TUBGCP3: variants seen among roughly 807,000 people sequenced by gnomAD.
TUBGCP3 encodes tubulin gamma complex component 3.
A neutral mutation model predicts 123.1 loss-of-function variants in TUBGCP3; 50 were observed. The ratio of observed to expected loss-of-function variants is 0.41; its 90% confidence interval spans 0.32 to 0.51. The LOEUF is 0.51. Among genes scored for constraint, TUBGCP3 ranks in the 20% least tolerant of loss-of-function variants. The pLI is 0.36. For missense variants in TUBGCP3, 882 were observed against 1,127.0 expected, an observed-to-expected ratio of 0.78 and a Z score of 3.11; for synonymous variants, 405 against 413.9, an observed-to-expected ratio of 0.98 and a Z score of 0.26.
intron 11 of TUBGCP3, among the ~76,000 whole-genome samples, chr13:112,542,323 AAC>A (rs1401270128): frequency 6.6e-6 from 1 of 152,208 alleles, no homozygotes; most frequent in African/African-American, 2.4e-5. Context: ...CAGGTTTTTA[AAC>A]AGCTATCAAA....
rs1566565651 is a variant in TUBGCP3, at chr13:112,545,747, G to A, written c.1287C>T (p.Phe429=). The change falls in exon 11 of 22, where the codon TTC becomes TTT. Residue 429 remains phenylalanine (F), a synonymous_variant. Coordinates refer to ENST00000261965, the MANE Select transcript of TUBGCP3 (RefSeq NM_006322.6). The surrounding 1 kb of genome is among the most constrained non-coding windows in gnomAD (Gnocchi z 4.1). ...CCCCATCATATATCCAGCGGTACAG[G>A]AAGCTCAAAACAGGATGAGACACGA... ...LSLVSHPVLS[F]LYRWIYDGEL... The A allele has an allele frequency of 6.2e-7, 1 of 1,614,170 alleles. No individual in the cohort carries two copies. Among genetic ancestry groups the A allele is most frequent in the Non-Finnish European group, 8.5e-7 (1 of 1,180,046 alleles).
At chr13:112,576,508 C>T (rs1173933118) in intron 1 of TUBGCP3, among the ~76,000 whole-genome samples, 1 of 152,068 alleles carries the variant, frequency 6.6e-6, no homozygotes, top group Non-Finnish European at 1.5e-5. Flanking sequence ...CACACAAACA[C>T]ACACAAAAAA....
chr13:112,557,414 A>G (rs1880131925), intron 5 of TUBGCP3, among the ~76,000 whole-genome samples: 1 of 152,226 alleles, frequency 6.6e-6, no homozygotes, highest in Non-Finnish European at 1.5e-5. Flanking sequence ...TTATAATTCT[A>G]TTACACTCAC....
At chr13:112,581,244 G>A (rs1242128815) in intron 1 of TUBGCP3, among the ~76,000 whole-genome samples, 2 of 152,164 alleles carry the variant, frequency 1.3e-5, no homozygotes, top group African/African-American at 4.8e-5. Flanking sequence ...AGCGCACTGT[G>A]TCAGCAAGGA....
intron 20 of TUBGCP3, among the ~76,000 whole-genome samples, chr13:112,498,531 G>A (rs932056729): frequency 1.3e-5 from 2 of 152,182 alleles, no homozygotes; most frequent in Non-Finnish European, 2.9e-5. Flanking sequence ...AAAAAGTTTC[G>A]GGTTTAGGAG....
intron 7 of TUBGCP3, among the ~76,000 whole-genome samples, chr13:112,554,400 C>G (rs1020998469): frequency 6.6e-6 from 1 of 152,208 alleles, no homozygotes; most frequent in Non-Finnish European, 1.5e-5. Context: ...TTTCACACCA[C>G]CCTGCAGTTG....
chr13:112,575,689 T>C (rs909840420), intron 1 of TUBGCP3, among the ~76,000 whole-genome samples: 27 of 152,242 alleles, frequency 1.8e-4, no homozygotes, highest in African/African-American at 6.5e-4. Context: ...ACAGACTGAA[T>C]TGTGGGTCAC....
chr13:112,513,180 TC>T (rs1359632163), intron 17 of TUBGCP3, among the ~76,000 whole-genome samples: 1 of 152,248 alleles, frequency 6.6e-6, no homozygotes, highest in African/African-American at 2.4e-5. Context: ...CCTGTATTGG[TC>T]CATTTCATTT....
intron 1 of TUBGCP3, among the ~76,000 whole-genome samples, chr13:112,581,835 T>C (rs1429230716): frequency 6.6e-6 from 1 of 152,186 alleles, no homozygotes; most frequent in East Asian, 1.9e-4. Flanking sequence ...TTTTCAACTT[T>C]CTCATACCAA....
At chr13:112,497,835 T>A (rs1296789495) in intron 20 of TUBGCP3, among the ~76,000 whole-genome samples, 4 of 152,250 alleles carry the variant, frequency 2.6e-5, no homozygotes, top group African/African-American at 9.6e-5. Flanking sequence ...TATGGCATTA[T>A]AATTTTATGG....
At chr13:112,498,439 A>G (rs1202258375) in intron 20 of TUBGCP3, among the ~76,000 whole-genome samples, 1 of 152,256 alleles carries the variant, frequency 6.6e-6, no homozygotes, top group African/African-American at 2.4e-5. Context: ...TCTGCAGGAA[A>G]CAAAGTTTGT....
At position 112,545,186 on chromosome 13, in the gene TUBGCP3, C is replaced by T. The variant is rs1878885647; in HGVS notation, c.1335+513G>A. 1 of 154,604 alleles carries T rather than the reference C, an allele frequency of 6.5e-6. No individual in the cohort carries two copies. Among genetic ancestry groups the T allele is most frequent in the South Asian group, 2.0e-4 (1 of 4,998 alleles). The allele number at this position is 154,604 out of a possible 1,614,324, so 9.6% of individuals were successfully genotyped here. Reference sequence around the variant, plus strand: ...TGACAAAGGTTTTGAGTGTGGTGCCCCTCACCCTACCTTCCACCAAAAGCC... The same window carrying T: ...TGACAAAGGTTTTGAGTGTGGTGCCTCTCACCCTACCTTCCACCAAAAGCC... On this transcript the variant is annotated intron_variant, in intron 11 of 21. Transcript: ENST00000261965. The surrounding 1 kb of genome is among the most constrained non-coding windows in gnomAD (Gnocchi z 4.1).
Position 112,519,035 on chromosome 13 carries a change from T to C in TUBGCP3, c.1890A>G (p.Pro630=). Residue 630 remains proline, a synonymous_variant, in exon 16 of 22, where the codon CCA becomes CCG. Coordinates refer to ENST00000261965, the MANE Select transcript of TUBGCP3 (RefSeq NM_006322.6). This position sits in a 1 kb window ranked among gnomAD's most constrained non-coding sequence, Gnocchi z 6.2. ...TGAAGACATCCCATCCAGTGTCACCTGGAGAGACCTAACAACAGAAACAAA... is the reference window on the plus strand; with the variant it reads ...TGAAGACATCCCATCCAGTGTCACCCGGAGAGACCTAACAACAGAAACAAA... ...RLDVRLLEVS[P]GDTGWDVFSL... 6.2e-7 allele frequency: 1 copy of C among 1,613,704 alleles called. No homozygotes were observed. The highest frequency in any genetic ancestry group is 8.5e-7 in the Non-Finnish European group (1 of 1,179,560).
rs2139351731 is a variant in TUBGCP3 at position 112,587,918 on chromosome 13, C to T, written c.63G>A (p.Leu21=). 6.3e-7 allele frequency: 1 copy of T among 1,594,750 alleles called. No homozygotes were observed. ...VLLQNLCCRI[L]GRSEADVAQQ... ...CGGCCACTCTACCTTCGCTCCTGCC[C>T]AGGATCCTGCAGCACAGGTTCTGCA... The change falls in exon 1 of 22, where the codon CTG becomes CTA. Residue 21 remains leucine, a synonymous_variant. Coordinates refer to ENST00000261965, the MANE Select transcript of TUBGCP3 (RefSeq NM_006322.6).
chr13:112,575,990 G>A (rs1881777694), intron 1 of TUBGCP3, among the ~76,000 whole-genome samples: 1 of 152,180 alleles, frequency 6.6e-6, no homozygotes, highest in Non-Finnish European at 1.5e-5. Context: ...AGAAACACAG[G>A]GGAATAAACG....
chr13:112,586,264 T>C (rs972771395), intron 1 of TUBGCP3, among the ~76,000 whole-genome samples: 3 of 151,244 alleles, frequency 2.0e-5, no homozygotes, highest in African/African-American at 7.3e-5. Flanking sequence ...AGTTCTTAGG[T>C]TGAGAAATAT....
chr13:112,568,905 G>A (rs1881191951), intron 2 of TUBGCP3, among the ~76,000 whole-genome samples: 1 of 152,142 alleles, frequency 6.6e-6, no homozygotes, highest in Non-Finnish European at 1.5e-5. Context: ...GCTAACAAAT[G>A]GAAAGCTTTC....
Position 112,555,045 on chromosome 13 carries a change from T to C in TUBGCP3, c.722-40A>G, listed in dbSNP as rs373680675. 28 of 1,276,922 alleles carry C rather than the reference T, an allele frequency of 2.2e-5. No homozygotes were observed. The African/African-American group carries it at 3.3e-4, about 15-fold the overall frequency. 79.1% of individuals were successfully genotyped at this position (1,276,922 alleles called of 1,614,324 possible). On this transcript the variant is annotated intron_variant, in intron 6 of 21. Transcript: ENST00000261965. ...TTTAAAGACAGTAATTACTAGACAATATTTTAACAGACAATAGATATTATG... is the reference window on the plus strand; with the variant it reads ...TTTAAAGACAGTAATTACTAGACAACATTTTAACAGACAATAGATATTATG...
At chr13:112,488,596 G>A (rs928033577) in intron 21 of TUBGCP3, among the ~76,000 whole-genome samples, 16 of 151,218 alleles carry the variant, frequency 1.1e-4, no homozygotes, top group Admixed American at 3.3e-4. Flanking sequence ...GGGGAGCGCA[G>A]GGGCCACCCC....
Sources: allele counts gnomAD v4.1 joint callset (sites outside exome capture counted in the v4.1 genomes callset), GRCh38; gene constraint gnomAD v4.1.1; non-coding constraint Gnocchi (gnomAD v3.1); transcripts MANE v1.5; gene names NCBI Gene and HGNC (gene_info 2026-07-23, HGNC 2026-07-21).